CTNNA3: variants seen among roughly 807,000 people sequenced by gnomAD.
The protein encoded by CTNNA3 is catenin alpha-3.
In CTNNA3, 76 loss-of-function variants were observed where a neutral mutation model predicts 95.7. That is an observed-to-expected ratio of 0.79 (90% CI 0.66 to 0.96). The LOEUF is 0.96. Among genes scored for constraint, CTNNA3 ranks in the 40% least tolerant of loss-of-function variants. The pLI, the probability that CTNNA3 is intolerant of heterozygous loss-of-function variation, is 0.00. For missense variants in CTNNA3, 1,191 were observed against 1,089.8 expected (o/e 1.09, Z -1.31); for synonymous variants, 431 against 374.4 (o/e 1.15, Z -1.74).
intron 1 of CTNNA3, among the ~76,000 whole-genome samples, chr10:67,719,990 T>C (rs1841168517): frequency 6.6e-6 from 1 of 152,044 alleles, no homozygotes; most frequent in South Asian, 2.1e-4. Flanking sequence ...GCTCCTGTGT[T>C]GTTTGCATAT....
intron 13 of CTNNA3, among the ~76,000 whole-genome samples, chr10:66,247,153 C>A (rs555748528): frequency 4.6e-4 from 70 of 152,018 alleles, no homozygotes; most frequent in African/African-American, 1.5e-3. Flanking sequence ...TTGAAGCATA[C>A]CTATTAGGCC....
intron 5 of CTNNA3, among the ~76,000 whole-genome samples, chr10:67,482,805 G>T (rs1335954321): frequency 6.6e-6 from 1 of 152,134 alleles, no homozygotes; most frequent in Admixed American, 6.5e-5. Context: ...AGTGGTGAGA[G>T]AGGGCATCCC....
At chr10:67,225,383 T>C (rs892503485) in intron 5 of CTNNA3, among the ~76,000 whole-genome samples, 3 of 152,138 alleles carry the variant, frequency 2.0e-5, no homozygotes, top group Non-Finnish European at 4.4e-5. Flanking sequence ...TGATGCTCTC[T>C]ACAAAACCCC....
chr10:67,409,961 G>T (rs1301283916), intron 5 of CTNNA3, among the ~76,000 whole-genome samples: 1 of 152,016 alleles, frequency 6.6e-6, no homozygotes, highest in Admixed American at 6.6e-5. Context: ...ATTCCTCAAA[G>T]ACCTAAAGAC....
intron 16 of CTNNA3, among the ~76,000 whole-genome samples, chr10:65,975,209 T>C (rs1420709175): frequency 2.6e-5 from 4 of 152,078 alleles, no homozygotes; most frequent in African/African-American, 9.7e-5. Context: ...GGCATGGACA[T>C]ATGCATGAAT....
intron 13 of CTNNA3, among the ~76,000 whole-genome samples, chr10:66,138,717 G>A (rs2083468701): frequency 6.6e-6 from 1 of 152,074 alleles, no homozygotes; most frequent in African/African-American, 2.4e-5. Context: ...AAATCAGCCA[G>A]GTGTGGTGGC....
chr10:67,301,723 C>T (rs1840281027), intron 5 of CTNNA3, among the ~76,000 whole-genome samples: 1 of 152,146 alleles, frequency 6.6e-6, no homozygotes, highest in African/African-American at 2.4e-5. Flanking sequence ...AATCCCAGCA[C>T]TTTGGGAGGC....
chr10:67,674,909 A>T (rs571161967), intron 1 of CTNNA3, among the ~76,000 whole-genome samples: 6 of 150,918 alleles, frequency 4.0e-5, no homozygotes, highest in African/African-American at 1.4e-4. Context: ...TTTGTCTAGG[A>T]TACCTTCCCT....
At chr10:67,482,091 C>A (rs558758705) in intron 5 of CTNNA3, among the ~76,000 whole-genome samples, 1 of 152,022 alleles carries the variant, frequency 6.6e-6, no homozygotes, top group Non-Finnish European at 1.5e-5. Flanking sequence ...GGGCTCTGTT[C>A]TGTTCCATTG....
intron 11 of CTNNA3, among the ~76,000 whole-genome samples, chr10:66,443,169 T>A: frequency 6.6e-6 from 1 of 152,128 alleles, no homozygotes; most frequent in East Asian, 1.9e-4. Context: ...AAGCTCGAAC[T>A]GGGTGGAGCC....
At chr10:66,809,729 T>C (rs1841799649) in intron 7 of CTNNA3, among the ~76,000 whole-genome samples, 1 of 152,196 alleles carries the variant, frequency 6.6e-6, no homozygotes, top group Non-Finnish European at 1.5e-5. Flanking sequence ...TTTGATTAGT[T>C]AGACGGTCTT....
chr10:66,390,402 G>A (rs1221639034), intron 11 of CTNNA3, among the ~76,000 whole-genome samples: 2 of 152,096 alleles, frequency 1.3e-5, no homozygotes, highest in Non-Finnish European at 2.9e-5. Flanking sequence ...TCAGAGAAGG[G>A]AAGAAGAGAG....
chr10:67,332,729 C>T (rs1841843482), intron 5 of CTNNA3, among the ~76,000 whole-genome samples: 3 of 152,082 alleles, frequency 2.0e-5, no homozygotes, highest in Non-Finnish European at 2.9e-5. Context: ...ATTTCATATC[C>T]CATGATTTGG....
At chr10:66,199,850 C>A (rs2087278051) in intron 13 of CTNNA3, among the ~76,000 whole-genome samples, 2 of 106,050 alleles carry the variant, frequency 1.9e-5, no homozygotes, top group East Asian at 2.8e-4. Flanking sequence ...GATGGGGTTT[C>A]ACTGTGTTGG....
chr10:67,525,174 C>A (rs1043797091), intron 4 of CTNNA3, among the ~76,000 whole-genome samples: 5 of 149,916 alleles, frequency 3.3e-5, no homozygotes, highest in African/African-American at 4.9e-5. Context: ...TTTTTTAACT[C>A]GTTATAAACC....
At chr10:67,504,435 C>CAAAAAAAAA (rs60719599) in intron 5 of CTNNA3, among the ~76,000 whole-genome samples, 1 of 16,154 alleles carries the variant, frequency 6.2e-5, no homozygotes, top group African/African-American at 2.3e-4. Flanking sequence ...GACTCCATCT[C>CAAAAAAAAA]AAAAAAAAAA....
chr10:67,377,177 G>A (rs972622913), intron 5 of CTNNA3, among the ~76,000 whole-genome samples: 4 of 152,168 alleles, frequency 2.6e-5, no homozygotes, highest in Non-Finnish European at 4.4e-5. Flanking sequence ...ATCCACAGTA[G>A]ATGTAATATA....
chr10:67,307,729 C>A (rs1201830270), intron 5 of CTNNA3, among the ~76,000 whole-genome samples: 2 of 152,056 alleles, frequency 1.3e-5, no homozygotes. Context: ...CAACCTATAC[C>A]CCCAAACCTC....
chr10:65,935,043 C>A (rs1024637080), intron 17 of CTNNA3, among the ~76,000 whole-genome samples: 4 of 152,078 alleles, frequency 2.6e-5, no homozygotes, highest in African/African-American at 9.7e-5. Flanking sequence ...CTCCCATGAG[C>A]AGCTGAAATG....
Sources: allele counts gnomAD v4.1 joint callset (sites outside exome capture counted in the v4.1 genomes callset), GRCh38; gene constraint gnomAD v4.1.1; transcripts MANE v1.5; gene names NCBI Gene and HGNC (gene_info 2026-07-23, HGNC 2026-07-21).